The following HIVEP3 variants were observed in gnomAD, a reference collection of about 807,000 sequenced individuals.
HIVEP3 encodes the protein transcription factor HIVEP3.
Under a neutral mutation model 152.8 loss-of-function variants are expected in HIVEP3, and 49 were observed. The observed-to-expected ratio is 0.32, with a 90% CI of 0.26 to 0.41. HIVEP3 has a LOEUF of 0.41. HIVEP3 is among the 10% of genes least tolerant of loss of function. The pLI is 1.00. For missense variants in HIVEP3, 2,790 were observed against 3,103.3 expected, an observed-to-expected ratio of 0.90 and a Z score of 2.40; for synonymous variants, 1,269 against 1,289.0, an observed-to-expected ratio of 0.98 and a Z score of 0.33.
chr1:41,876,163 T>A (rs373088567), intron 1 of HIVEP3, among the ~76,000 whole-genome samples: 6 of 152,080 alleles, frequency 3.9e-5, no homozygotes, highest in South Asian at 2.1e-4. Context: ...ATAAGGGGTA[T>A]TCATCAAAAA....
chr1:41,629,907 C>G (rs1277441069), intron 2 of HIVEP3, among the ~76,000 whole-genome samples: 2 of 152,206 alleles, frequency 1.3e-5, no homozygotes, highest in African/African-American at 2.4e-5. Flanking sequence ...CCATTCGACC[C>G]AGAAATTCCA....
intron 3 of HIVEP3, among the ~76,000 whole-genome samples, chr1:41,593,301 T>G (rs898395345): frequency 1.3e-5 from 2 of 152,254 alleles, no homozygotes; most frequent in African/African-American, 2.4e-5. Flanking sequence ...GTATTTATAT[T>G]GATCTGCGAC....
intron 1 of HIVEP3, among the ~76,000 whole-genome samples, chr1:41,759,734 G>A (rs909421030): frequency 1.3e-5 from 2 of 152,214 alleles, no homozygotes; most frequent in Admixed American, 6.5e-5. Flanking sequence ...GAGTCTTAGG[G>A]TTTAAAAGAT....
intron 1 of HIVEP3, among the ~76,000 whole-genome samples, chr1:41,719,502 C>T (rs143330141): frequency 4.9e-4 from 75 of 152,316 alleles, no homozygotes; most frequent in African/African-American, 1.7e-3. Context: ...TCAATTTCTC[C>T]ATCTCCTAAA....
chr1:41,926,928 T>C (rs1644971214), intron 1 of HIVEP3, among the ~76,000 whole-genome samples: 1 of 152,126 alleles, frequency 6.6e-6, no homozygotes, highest in African/African-American at 2.4e-5. Flanking sequence ...ACAACCCTGA[T>C]AAGCCACTGT....
At chr1:41,711,344 C>T (rs1646510604) in intron 1 of HIVEP3, among the ~76,000 whole-genome samples, 1 of 152,210 alleles carries the variant, frequency 6.6e-6, no homozygotes, top group African/African-American at 2.4e-5. Flanking sequence ...CTACTGGTTC[C>T]CTCTCCAGCT....
In HIVEP3 at chr1:41,875,337, T is replaced by G. The variant is rs146958264; in HGVS notation, c.-801+43076A>C. ...TACACACTGACTCCCATGGCTCCCCTCCAGCTCCCCATCCATCCTGCTCCT... is the reference window on the plus strand; with the variant it reads ...TACACACTGACTCCCATGGCTCCCCGCCAGCTCCCCATCCATCCTGCTCCT... On this transcript the variant is annotated intron_variant, in intron 1 of 8. Transcript: ENST00000372583. Among the ~76,000 whole-genome samples the G allele has an allele frequency of 1.5e-4, 23 of 152,282 alleles. 1 individual carries two copies. In the East Asian group the frequency reaches 4.4e-3, roughly 29 times the overall value.
chr1:41,539,227 C>A (rs1643470766), intron 5 of HIVEP3, among the ~76,000 whole-genome samples: 1 of 133,892 alleles, frequency 7.5e-6, no homozygotes, highest in Admixed American at 7.4e-5. Context: ...AGGGGACTCA[C>A]AGTTTCCCAG....
chr1:41,835,318 G>T (rs1643089656), intron 1 of HIVEP3, among the ~76,000 whole-genome samples: 1 of 152,122 alleles, frequency 6.6e-6, no homozygotes, highest in South Asian at 2.1e-4. Flanking sequence ...TTCTGGTGAG[G>T]GCTCTCTTCC....
intron 2 of HIVEP3, among the ~76,000 whole-genome samples, chr1:41,677,577 C>A (rs911432581): frequency 6.6e-6 from 1 of 152,176 alleles, no homozygotes; most frequent in African/African-American, 2.4e-5. Context: ...AACTTTAATA[C>A]GTGTTAGTTG....
At chr1:41,701,627 C>T (rs960023535) in intron 1 of HIVEP3, among the ~76,000 whole-genome samples, 1 of 152,190 alleles carries the variant, frequency 6.6e-6, no homozygotes, top group Non-Finnish European at 1.5e-5. Flanking sequence ...AAGGACCTCT[C>T]TTTGTATGAA....
intron 1 of HIVEP3, among the ~76,000 whole-genome samples, chr1:41,758,414 A>G (rs1558243907): frequency 6.6e-6 from 1 of 152,222 alleles, no homozygotes; most frequent in African/African-American, 2.4e-5. Context: ...CTGCAGACAC[A>G]TCTATCCACC....
chr1:41,789,783 CA>C (rs1649579003), intron 1 of HIVEP3, among the ~76,000 whole-genome samples: 1 of 152,152 alleles, frequency 6.6e-6, no homozygotes, highest in East Asian at 1.9e-4. Flanking sequence ...AGACCTTGGT[CA>C]ACAATGTAGT....
intron 1 of HIVEP3, among the ~76,000 whole-genome samples, chr1:41,992,224 T>G (rs369724701): frequency 6.6e-6 from 1 of 151,964 alleles, no homozygotes; most frequent in Non-Finnish European, 1.5e-5. Context: ...TCTTTGCAGA[T>G]GACATGATTG....
At chr1:41,874,805 A>G (rs1385928488) in intron 1 of HIVEP3, among the ~76,000 whole-genome samples, 1 of 152,192 alleles carries the variant, frequency 6.6e-6, no homozygotes, top group African/African-American at 2.4e-5. Context: ...GCGGTCTCCA[A>G]GTGCCAGTCC....
chr1:41,745,459 A>T (rs1647057267), intron 1 of HIVEP3, among the ~76,000 whole-genome samples: 1 of 152,240 alleles, frequency 6.6e-6, no homozygotes, highest in Admixed American at 6.5e-5. Flanking sequence ...TAAAATATAC[A>T]TGTATTCAAT....
intron 2 of HIVEP3, among the ~76,000 whole-genome samples, chr1:41,634,428 ACT>A (rs1170318639): frequency 6.6e-6 from 1 of 152,134 alleles, no homozygotes; most frequent in African/African-American, 2.4e-5. Context: ...AACAAAGAAA[ACT>A]CTATTAATTT....
chr1:41,669,550 C>T (rs1186333379), intron 2 of HIVEP3, among the ~76,000 whole-genome samples: 1 of 152,146 alleles, frequency 6.6e-6, no homozygotes, highest in African/African-American at 2.4e-5. Context: ...CTACTGAAGA[C>T]CTGAATAGAA....
rs141558104 is a variant in HIVEP3 at position 41,580,158 on chromosome 1, G to T, written c.4640C>A (p.Thr1547Asn). Residue 1547 changes from threonine to asparagine, a missense_variant, in exon 4 of 9, where the codon ACC becomes AAC. By Grantham distance (65) the Thr-to-Asn change is moderately conservative. Around this residue, in one of 9 missense-constraint regions of HIVEP3, gnomAD observed 1,078 missense variants for 1,165.3 expected, o/e 0.93. Transcript: ENST00000372583. ...PSGKPHRRGL[T>N]PLSVKKEDSK... is the part of the protein sequence containing the mutation. ...ATCTTCTTTCTTCACGCTCAGTGGG[G>T]TCAACCCTCTTCGGTGAGGTTTGCC... 27 of 1,613,482 alleles carry T rather than the reference G, an allele frequency of 1.7e-5. No homozygotes were observed. In the African/African-American group the frequency reaches 3.1e-4, roughly 18 times the overall value.
Sources: allele counts gnomAD v4.1 joint callset (sites outside exome capture counted in the v4.1 genomes callset), GRCh38; gene constraint gnomAD v4.1.1; regional missense constraint gnomAD v4.1.1; transcripts MANE v1.5; gene names NCBI Gene and HGNC (gene_info 2026-07-23, HGNC 2026-07-21).